HSPA12A: variants seen among roughly 807,000 people sequenced by gnomAD.
HSPA12A encodes the protein heat shock 70 kDa protein 12A.
A neutral mutation model predicts 69.2 loss-of-function variants in HSPA12A; 28 were observed. The observed-to-expected ratio is 0.40, with a 90% CI of 0.30 to 0.55. HSPA12A has a LOEUF of 0.55. Ranked by LOEUF, HSPA12A falls within the 20% of genes least tolerant of loss-of-function variation. The probability of loss-of-function intolerance (pLI) is 0.38; values close to 1 mark genes in which losing one functional copy is unlikely to be tolerated. For missense variants in HSPA12A, 686 were observed against 900.7 expected, an observed-to-expected ratio of 0.76 and a Z score of 3.05; for synonymous variants, 345 against 370.5, an observed-to-expected ratio of 0.93 and a Z score of 0.79.
Position 116,849,394 on chromosome 10 carries a change from G to A in HSPA12A, c.3+172C>T, listed in dbSNP as rs570543948. ...GCAGGGAGAAAAGACAGAGCAGCGA[G>A]CGCAAATACCATCCTAGCTCCAATA... On this transcript the variant is annotated intron_variant, in intron 1 of 12. Transcript: ENST00000635765. 14 of 837,304 alleles carry A rather than the reference G, an allele frequency of 1.7e-5. No homozygotes were observed. In the South Asian group the frequency reaches 3.6e-4, roughly 21 times the overall value. The allele number at this position is 837,304 out of a possible 1,614,324, so 51.9% of individuals were successfully genotyped here.
chr10:116,784,300 C>T (rs114632691), intron 2 of HSPA12A, among the ~76,000 whole-genome samples: 3,156 of 152,346 alleles, frequency 0.021, 98 homozygotes, highest in African/African-American at 0.07. Flanking sequence ...CCGCTCCTGA[C>T]CTAGGTGGCC....
In HSPA12A at chr10:116,722,789, T is replaced by C. The variant is rs143277032; in HGVS notation, c.41-15504A>G. The stretch of plus-strand genomic sequence containing the variant: ...AAATTGAATATTAAAAACACTGTAA[T>C]TAAAAGCCCTGTAAAAATCTATTTT... On this transcript the variant is annotated intron_variant, in intron 1 of 11. Transcript: ENST00000369209. Among the ~76,000 whole-genome samples the C allele has an allele frequency of 1.7e-3, 262 of 152,300 alleles. 1 individual carries two copies. The highest frequency in any genetic ancestry group is 6.2e-3 in the African/African-American group (259 of 41,554).
chr10:116,805,315 C>CA (rs1275766086), intron 2 of HSPA12A, among the ~76,000 whole-genome samples: 3 of 151,574 alleles, frequency 2.0e-5, no homozygotes, highest in East Asian at 1.9e-4. Flanking sequence ...GACTCCATCG[C>CA]AAAAAAACAA....
upstream of HSPA12A, among the ~76,000 whole-genome samples, chr10:116,744,424 G>C (rs1020341400): frequency 1.3e-5 from 2 of 152,228 alleles, no homozygotes; most frequent in African/African-American, 4.8e-5. Flanking sequence ...TTGACAGCCT[G>C]TCAGAAGCAG....
At chr10:116,699,827 G>C (rs1349333139) in intron 4 of HSPA12A, among the ~76,000 whole-genome samples, 1 of 152,246 alleles carries the variant, frequency 6.6e-6, no homozygotes, top group Non-Finnish European at 1.5e-5. Flanking sequence ...AATAGGAACA[G>C]TTCATTTCTA....
upstream of HSPA12A, among the ~76,000 whole-genome samples, chr10:116,742,920 G>A (rs1554887476): frequency 6.6e-6 from 1 of 152,002 alleles, no homozygotes; most frequent in Non-Finnish European, 1.5e-5. Context: ...CGAATGGCCA[G>A]GCCTGGAGCC....
rs559162058 is a variant in HSPA12A at position 116,719,598 on chromosome 10, C to G, written c.41-12313G>C. 2.6e-5 allele frequency among the ~76,000 whole-genome samples: 4 copies of G among 152,306 alleles called. No individual in the cohort carries two copies. In the South Asian group the frequency reaches 8.3e-4, roughly 32 times the overall value. On this transcript the variant is annotated intron_variant, in intron 1 of 11. Coordinates refer to ENST00000369209, the MANE Select transcript of HSPA12A (RefSeq NM_025015.3). ...CAATCTTGAACAAATTACTGAACTT[C>G]TCTGGTGCTTGGTTTTCCTTATGTA...
intron 2 of HSPA12A, among the ~76,000 whole-genome samples, chr10:116,764,642 T>A (rs1381461236): frequency 1.3e-5 from 2 of 152,216 alleles, no homozygotes; most frequent in African/African-American, 4.8e-5. Context: ...TGGTGAGACA[T>A]CTTATGATGT....
intron 2 of HSPA12A, among the ~76,000 whole-genome samples, chr10:116,813,845 C>T (rs529562706): frequency 1.3e-5 from 2 of 152,072 alleles, no homozygotes; most frequent in Non-Finnish European, 2.9e-5. Context: ...GATCCCACCA[C>T]TGCACTCCAG....
At chr10:116,748,860 A>G (rs1554888038) in intron 2 of HSPA12A, among the ~76,000 whole-genome samples, 1 of 152,206 alleles carries the variant, frequency 6.6e-6, no homozygotes, top group Non-Finnish European at 1.5e-5. Context: ...CTATAATTCA[A>G]GATGAGATTT....
At chr10:116,752,113 T>A (rs933286308) in intron 2 of HSPA12A, among the ~76,000 whole-genome samples, 8 of 152,198 alleles carry the variant, frequency 5.3e-5, no homozygotes, top group African/African-American at 1.9e-4. Context: ...CACACTTATG[T>A]TGGCCTCTAT....
At chr10:116,743,175 T>G (rs1355781046), upstream of HSPA12A, among the ~76,000 whole-genome samples, 1 of 152,204 alleles carries the variant, frequency 6.6e-6, no homozygotes, top group Non-Finnish European at 1.5e-5. Flanking sequence ...GGGAGGTGCT[T>G]GCCCCGGAGG....
At chr10:116,845,351 A>G (rs76801340) in intron 1 of HSPA12A, among the ~76,000 whole-genome samples, 8,159 of 152,274 alleles carry the variant, frequency 0.054, 719 homozygotes, top group African/African-American at 0.18. Flanking sequence ...AGCCCAGTCC[A>G]AACATCTCTT....
At chr10:116,816,615 T>C (rs757543709) in intron 2 of HSPA12A, among the ~76,000 whole-genome samples, 6 of 152,220 alleles carry the variant, frequency 3.9e-5, no homozygotes, top group Non-Finnish European at 4.4e-5. Context: ...GGCGCCGTCC[T>C]GCTCACGTAA....
chr10:116,722,741 G>A (rs1850818974), intron 1 of HSPA12A, among the ~76,000 whole-genome samples: 1 of 152,064 alleles, frequency 6.6e-6, no homozygotes, highest in Admixed American at 6.6e-5. Flanking sequence ...AAAACATAGT[G>A]GGATGATTTC....
intron 2 of HSPA12A, among the ~76,000 whole-genome samples, chr10:116,755,049 G>A (rs782105268): frequency 4.6e-5 from 7 of 152,042 alleles, no homozygotes; most frequent in Non-Finnish European, 1.0e-4. Context: ...TGCCTCCCAT[G>A]TTCAAGTGAT....
chr10:116,680,225 G>C (rs1229434467), intron 9 of HSPA12A, among the ~76,000 whole-genome samples: 2 of 151,840 alleles, frequency 1.3e-5, no homozygotes, highest in East Asian at 3.9e-4. Flanking sequence ...CCTGACCTCA[G>C]GTGATCCACC....
chr10:116,678,030 T>G (rs1849289957), intron 10 of HSPA12A, among the ~76,000 whole-genome samples: 1 of 151,968 alleles, frequency 6.6e-6, no homozygotes, highest in African/African-American at 2.4e-5. Flanking sequence ...CCCAACCTAT[T>G]TATCCTGTCT....
rs558061423 is a variant in HSPA12A, at chr10:116,802,061, C to T, written c.91+32874G>A. ...CCTGGGGAGGGCATAAGCTCTGGCA[C>T]GGGCCTTTGGGAGAACAAGATGGCA... On this transcript the variant is annotated intron_variant, in intron 2 of 12. Transcript: ENST00000635765. 2.9e-4 allele frequency among the ~76,000 whole-genome samples: 44 copies of T among 152,284 alleles called. No individual in the cohort carries two copies. In the South Asian group the frequency reaches 4.1e-3, roughly 14 times the overall value.
Sources: gnomAD v4.1 joint callset for allele counts (sites outside exome capture counted in the v4.1 genomes callset) on GRCh38, gnomAD v4.1.1 for gene constraint, MANE v1.5 for transcripts, NCBI Gene and HGNC (gene_info 2026-07-23, HGNC 2026-07-21) for gene names.